The following EPHB1 variants were observed in gnomAD, a reference collection of about 807,000 sequenced individuals.
EPHB1 encodes ephrin type-B receptor 1.
EPHB1 carries 30 observed loss-of-function variants against 94.4 expected under a neutral mutation model. The ratio of observed to expected loss-of-function variants is 0.32; its 90% confidence interval spans 0.24 to 0.43. EPHB1 has a LOEUF of 0.43. Among genes scored for constraint, EPHB1 ranks in the 20% least tolerant of loss-of-function variants. The pLI, the probability that EPHB1 is intolerant of heterozygous loss-of-function variation, is 1.00. For missense variants in EPHB1, 1,055 were observed against 1,308.3 expected, an observed-to-expected ratio of 0.81 and a Z score of 2.99; for synonymous variants, 522 against 489.1, an observed-to-expected ratio of 1.07 and a Z score of -0.89.
chr3:134,870,135 T>TTGA (rs2037468734), intron 1 of EPHB1, among the ~76,000 whole-genome samples: 1 of 152,148 alleles, frequency 6.6e-6, no homozygotes, highest in Non-Finnish European at 1.5e-5. Context: ...GCAGTGGTTG[T>TTGA]TGAGAGAGTG....
At chr3:135,196,350 T>G (rs1463697554) in intron 11 of EPHB1, among the ~76,000 whole-genome samples, 1 of 152,026 alleles carries the variant, frequency 6.6e-6, no homozygotes, top group African/African-American at 2.4e-5. Flanking sequence ...GCATTTCTCA[T>G]GTTGATGAGC....
chr3:135,131,475 A>C (rs963010081), intron 4 of EPHB1, among the ~76,000 whole-genome samples: 1 of 152,134 alleles, frequency 6.6e-6, no homozygotes, highest in African/African-American at 2.4e-5. Context: ...ATGCATTACT[A>C]TCTGAAGCGG....
chr3:134,982,158 A>G (rs1934425331), intron 3 of EPHB1, among the ~76,000 whole-genome samples: 1 of 152,166 alleles, frequency 6.6e-6, no homozygotes, highest in Admixed American at 6.5e-5. Flanking sequence ...CTTATCTTTA[A>G]TGCTCACGCA....
chr3:134,964,723 T>C (rs1380969916), intron 3 of EPHB1, among the ~76,000 whole-genome samples: 1 of 152,240 alleles, frequency 6.6e-6, no homozygotes, highest in Non-Finnish European at 1.5e-5. Flanking sequence ...CTTTTCCCTC[T>C]GCATCTTTGG....
At chr3:135,110,417 C>G (rs532348982) in intron 4 of EPHB1, among the ~76,000 whole-genome samples, 1 of 152,324 alleles carries the variant, frequency 6.6e-6, no homozygotes, top group South Asian at 2.1e-4. Flanking sequence ...GAGGCCATCC[C>G]TGTCCTCCCT....
chr3:135,180,391 C>T (rs1389260918), intron 10 of EPHB1, among the ~76,000 whole-genome samples: 1 of 152,208 alleles, frequency 6.6e-6, no homozygotes, highest in African/African-American at 2.4e-5. Context: ...ACTGTAAGTT[C>T]TCCATTTCCT....
chr3:135,218,355 A>G (rs557257091), intron 12 of EPHB1, among the ~76,000 whole-genome samples: 4 of 152,302 alleles, frequency 2.6e-5, no homozygotes, highest in African/African-American at 9.6e-5. Context: ...TCACTTTGTT[A>G]CCAATGCTCA....
chr3:134,903,646 C>T (rs1391839185), intron 1 of EPHB1, among the ~76,000 whole-genome samples: 2 of 152,090 alleles, frequency 1.3e-5, no homozygotes, highest in Non-Finnish European at 2.9e-5. Context: ...GGACTGTGTA[C>T]GCCTGGACCA....
intron 1 of EPHB1, among the ~76,000 whole-genome samples, chr3:134,873,514 T>G (rs1393384954): frequency 6.6e-6 from 1 of 152,232 alleles, no homozygotes; most frequent in African/African-American, 2.4e-5. Context: ...GTGTATATAT[T>G]TATTGGGGAA....
intron 15 of EPHB1, among the ~76,000 whole-genome samples, chr3:135,252,197 ATTTT>A (rs1349906092): frequency 1.3e-5 from 2 of 151,018 alleles, no homozygotes; most frequent in African/African-American, 4.9e-5. Flanking sequence ...TTTTATTTTT[ATTTT>A]TTAATATTTT....
At chr3:134,839,781 G>T (rs1184206457) in intron 1 of EPHB1, among the ~76,000 whole-genome samples, 4 of 152,192 alleles carry the variant, frequency 2.6e-5, no homozygotes, top group Admixed American at 2.6e-4. Flanking sequence ...CAACTGCATA[G>T]ATGATGGTAC....
intron 12 of EPHB1, among the ~76,000 whole-genome samples, chr3:135,206,573 G>A (rs1398956485): frequency 6.6e-6 from 1 of 152,152 alleles, no homozygotes; most frequent in African/African-American, 2.4e-5. Flanking sequence ...CTGTAGGTTG[G>A]GCATGGTGGC....
At chr3:135,100,908 C>G (rs1231241172) in intron 3 of EPHB1, among the ~76,000 whole-genome samples, 2 of 152,108 alleles carry the variant, frequency 1.3e-5, no homozygotes, top group African/African-American at 4.8e-5. Flanking sequence ...ATCTTGTCTC[C>G]TCCCCTTTTC....
At chr3:134,978,009 T>C (rs1169461042) in intron 3 of EPHB1, 2 of 455,482 alleles carry the variant, frequency 4.4e-6, no homozygotes, top group African/African-American at 4.0e-5. Context: ...AGGATTGACA[T>C]TGGAGGAGCC....
intron 1 of EPHB1, among the ~76,000 whole-genome samples, chr3:134,853,296 A>G (rs143041893): frequency 2.6e-3 from 396 of 152,348 alleles, no homozygotes; most frequent in African/African-American, 9.1e-3. Context: ...TGGGTCACCC[A>G]GAGAAAGCCA....
intron 1 of EPHB1, among the ~76,000 whole-genome samples, chr3:134,807,615 T>A (rs2036092530): frequency 6.6e-6 from 1 of 151,730 alleles, no homozygotes; most frequent in African/African-American, 2.4e-5. Flanking sequence ...AGGGCAACAG[T>A]GCTGTCTCAG....
At chr3:134,988,907 T>C (rs1277956334) in intron 3 of EPHB1, among the ~76,000 whole-genome samples, 2 of 152,182 alleles carry the variant, frequency 1.3e-5, no homozygotes, top group Non-Finnish European at 2.9e-5. Context: ...TGTTTCACAA[T>C]GCAGCCTTGG....
intron 3 of EPHB1, among the ~76,000 whole-genome samples, chr3:135,036,859 G>A (rs1020628982): frequency 2.6e-5 from 4 of 152,168 alleles, no homozygotes; most frequent in African/African-American, 7.2e-5. Flanking sequence ...GGCTGCAGAG[G>A]TTTACAAAAG....
At chr3:134,953,585 A>G (rs989632317) in intron 3 of EPHB1, among the ~76,000 whole-genome samples, 1 of 152,222 alleles carries the variant, frequency 6.6e-6, no homozygotes, top group African/African-American at 2.4e-5. Context: ...TCTTAAAGGC[A>G]CAGGTGCAGC....
Sources: allele counts gnomAD v4.1 joint callset (sites outside exome capture counted in the v4.1 genomes callset), GRCh38; gene constraint gnomAD v4.1.1; transcripts MANE v1.5; gene names NCBI Gene and HGNC (gene_info 2026-07-23, HGNC 2026-07-21).